Variants in CERKL observed in about 807,000 individuals in gnomAD.
The protein encoded by CERKL is ceramide kinase-like protein.
CERKL carries 61 observed loss-of-function variants against 63.4 expected under a neutral mutation model. The ratio of observed to expected loss-of-function variants is 0.96; its 90% CI spans 0.78 to 1.19. The LOEUF (loss-of-function observed/expected upper bound fraction) is 1.19. CERKL is among the 50% of genes most tolerant of loss of function. CERKL has a pLI of 0.00. For synonymous variants in CERKL, 250 were observed against 230.5 expected (o/e 1.08, Z -0.77); for missense variants, 675 against 655.5 (o/e 1.03, Z -0.33).
chr2:181,656,869 A>C lies in CERKL; in HGVS notation c.138T>G (p.Ile46Met), dbSNP rs754265919. Residue 46 changes from isoleucine to methionine, a missense_variant, in exon 1 of 13, where the codon ATT becomes ATG. Transcript: ENST00000410087. ...PQQTEAAAER[I>M]LLRGIFEIGR... ...CGATCTCGAAGATGCCCCGGAGCAG[A>C]ATCCGCTCGGCCGCCGCCTCCGTCT... 1 of 1,605,158 alleles carries C rather than the reference A, an allele frequency of 6.2e-7. No individual in the cohort carries two copies. The highest frequency in any genetic ancestry group is 8.5e-7 in the Non-Finnish European group (1 of 1,174,456).
At chr2:181,564,217 G>A (rs1042602680) in intron 4 of CERKL, among the ~76,000 whole-genome samples, 4 of 152,100 alleles carry the variant, frequency 2.6e-5, no homozygotes, top group African/African-American at 9.7e-5. Context: ...CTCCTACTGT[G>A]CCTCCCAGTT....
At chr2:181,652,779 CTT>C (rs35879462) in intron 1 of CERKL, among the ~76,000 whole-genome samples, 312 of 142,446 alleles carry the variant, frequency 2.2e-3, no homozygotes, top group Middle Eastern at 3.5e-3. Flanking sequence ...ATAATAATGA[CTT>C]TTTTTTTTTT....
chr2:181,649,399 A>G (rs1687805879), intron 1 of CERKL, among the ~76,000 whole-genome samples: 1 of 152,260 alleles, frequency 6.6e-6, no homozygotes, highest in Admixed American at 6.5e-5. Context: ...ACCCAGATAC[A>G]TACAGCAAAT....
At chr2:181,630,427 C>T (rs953742739) in intron 1 of CERKL, among the ~76,000 whole-genome samples, 1 of 152,054 alleles carries the variant, frequency 6.6e-6, no homozygotes, top group South Asian at 2.1e-4. Flanking sequence ...CTTGTGTTCC[C>T]CTAAAATATG....
chr2:181,599,535 T>TCAAAACAAAACAAAACAAAA lies in CERKL; in HGVS notation c.481+4282_481+4301dup, dbSNP rs60448862. The stretch of plus-strand genomic sequence containing the variant: ...CTAGGCAACAGAGTGAGACTCCATC[T>TCAAAACAAAACAAAACAAAA]CAAAACAAAACAAAACAAAACAAAA... On this transcript the variant is annotated intron_variant, in intron 2 of 12. Coordinates refer to ENST00000410087, the MANE Select transcript of CERKL (RefSeq NM_201548.5). Among the ~76,000 whole-genome samples the TCAAAACAAAACAAAACAAAA allele has an allele frequency of 2.8e-3, 415 of 148,468 alleles. 1 individual carries two copies. The highest frequency in any genetic ancestry group is 8.3e-3 in the East Asian group (41 of 4,966).
At chr2:181,545,500 C>T (rs1398448025) in intron 10 of CERKL, among the ~76,000 whole-genome samples, 1 of 152,160 alleles carries the variant, frequency 6.6e-6, no homozygotes, top group Non-Finnish European at 1.5e-5. Context: ...TCAGTGCAAA[C>T]ATGAAGTTAA....
Position 181,558,857 on chromosome 2 carries a change from T to C in CERKL, c.678-149A>G. On this transcript the variant is annotated intron_variant, in intron 4 of 12. Transcript: ENST00000410087. This position sits in a 1 kb window ranked among gnomAD's most constrained non-coding sequence, Gnocchi z 4.2. ...CTTTAAACATGTTAATATGTGTCAA[T>C]GGGTAAGACAACACAAACACAACAC... is the stretch of plus-strand genomic sequence containing the variant. 1.3e-6 allele frequency: 1 copy of C among 760,986 alleles called. No individual in the cohort carries two copies. The highest frequency in any genetic ancestry group is 2.2e-6 in the Non-Finnish European group (1 of 446,148). The allele number at this position is 760,986 out of a possible 1,614,324, so 47.1% of individuals were successfully genotyped here.
chr2:181,611,688 A>T (rs887192047), intron 1 of CERKL, among the ~76,000 whole-genome samples: 1 of 152,214 alleles, frequency 6.6e-6, no homozygotes, highest in Non-Finnish European at 1.5e-5. Context: ...CTGTCTCAAA[A>T]GTAAATAAAA....
intron 8 of CERKL, chr2:181,548,196 T>C (rs763205962): frequency 1.2e-5 from 6 of 519,388 alleles, no homozygotes; most frequent in Non-Finnish European, 2.0e-5. Flanking sequence ...CATTGTTGTA[T>C]TCAAAGTGCC....
At chr2:181,631,593 C>G (rs904989549) in intron 1 of CERKL, among the ~76,000 whole-genome samples, 1 of 152,126 alleles carries the variant, frequency 6.6e-6, no homozygotes, top group African/African-American at 2.4e-5. Context: ...TCCACATGAC[C>G]TCTGTCCTAG....
At position 181,601,055 on chromosome 2, in the gene CERKL, C is replaced by G. The variant is rs76811676; in HGVS notation, c.481+2782G>C. 7.0e-3 allele frequency among the ~76,000 whole-genome samples: 1,064 copies of G among 152,110 alleles called. 17 individuals are homozygous for G. Among genetic ancestry groups the G allele is most frequent in the African/African-American group, 0.024 (1,011 of 41,514 alleles). On this transcript the variant is annotated intron_variant, in intron 2 of 12. Coordinates refer to ENST00000410087, the MANE Select transcript of CERKL (RefSeq NM_201548.5). Reference sequence around the variant, plus strand: ...AGAAATGAAGAACAAGAGGAATTCTCAAAACGACACAAATACATGGAAACT... The same window carrying G: ...AGAAATGAAGAACAAGAGGAATTCTGAAAACGACACAAATACATGGAAACT...
At chr2:181,634,460 A>G (rs771899886) in intron 1 of CERKL, among the ~76,000 whole-genome samples, 47 of 152,288 alleles carry the variant, frequency 3.1e-4, no homozygotes, top group Non-Finnish European at 6.0e-4. Context: ...CATCAGTAGC[A>G]GCAGTAATGA....
chr2:181,539,273 A>G lies in CERKL; in HGVS notation c.1366-9T>C, dbSNP rs749683299. The stretch of plus-strand genomic sequence containing the variant: ...ACAAATGGAAAATTGAACTAAAAAT[A>G]AATACAAATAATCATTATACTTGGT... On this transcript the variant is annotated splice_polypyrimidine_tract_variant and intron_variant, in intron 11 of 12. Coordinates refer to ENST00000410087, the MANE Select transcript of CERKL (RefSeq NM_201548.5). The G allele has an allele frequency of 1.3e-6, 2 of 1,525,508 alleles. No homozygotes were observed. Among genetic ancestry groups the G allele is most frequent in the Non-Finnish European group, 1.8e-6 (2 of 1,100,348 alleles). 94.5% of individuals were successfully genotyped at this position (1,525,508 alleles called of 1,614,324 possible). A position where few individuals can be genotyped will look rare whatever the true frequency, so the allele number is the denominator to read the frequency against.
chr2:181,652,369 A>T (rs915409605), intron 1 of CERKL, among the ~76,000 whole-genome samples: 2 of 152,226 alleles, frequency 1.3e-5, no homozygotes, highest in African/African-American at 4.8e-5. Flanking sequence ...TGAATTTTTA[A>T]GATGTCAAGA....
At chr2:181,578,017 A>G (rs372712885) in intron 2 of CERKL, among the ~76,000 whole-genome samples, 1 of 152,058 alleles carries the variant, frequency 6.6e-6, no homozygotes, top group South Asian at 2.1e-4. Flanking sequence ...TATTTGAGAA[A>G]CCCACGCTCA....
intron 1 of CERKL, among the ~76,000 whole-genome samples, chr2:181,614,044 A>C (rs1328248325): frequency 6.6e-6 from 1 of 152,208 alleles, no homozygotes; most frequent in Non-Finnish European, 1.5e-5. Flanking sequence ...ATGAGTTATC[A>C]GATTAGATGG....
At chr2:181,623,098 T>A (rs1007994268) in intron 1 of CERKL, among the ~76,000 whole-genome samples, 6 of 152,232 alleles carry the variant, frequency 3.9e-5, no homozygotes, top group African/African-American at 1.4e-4. Flanking sequence ...TTTTTCACTA[T>A]CTTGTATTTT....
intron 3 of CERKL, among the ~76,000 whole-genome samples, chr2:181,570,811 T>A (rs1458348112): frequency 6.6e-6 from 1 of 152,196 alleles, no homozygotes; most frequent in Non-Finnish European, 1.5e-5. Flanking sequence ...TAATTCTTCA[T>A]ATTATACTTC....
chr2:181,542,680 A>T (rs1687560418), intron 11 of CERKL, among the ~76,000 whole-genome samples: 1 of 152,176 alleles, frequency 6.6e-6, no homozygotes, highest in African/African-American at 2.4e-5. Context: ...TTGATAAATA[A>T]ATCAGAGTTA....
Sources: gnomAD v4.1 joint callset for allele counts (sites outside exome capture counted in the v4.1 genomes callset) on GRCh38, gnomAD v4.1.1 for gene constraint, Gnocchi (gnomAD v3.1) non-coding constraint, MANE v1.5 for transcripts, NCBI Gene and HGNC (gene_info 2026-07-23, HGNC 2026-07-21) for gene names.